FHIT: variants seen among roughly 807,000 people sequenced by gnomAD.
The protein encoded by FHIT is bis(5'-adenosyl)-triphosphatase.
FHIT carries 19 observed loss-of-function variants against 17.9 expected under a neutral mutation model. That is an observed-to-expected ratio of 1.06 (90% CI 0.74 to 1.56). FHIT has a LOEUF of 1.56. Among genes scored for constraint, FHIT ranks in the 40% most tolerant of loss-of-function variants. The probability of loss-of-function intolerance (pLI) is 0.00; values close to 1 mark genes in which losing one functional copy is unlikely to be tolerated. For missense variants in FHIT, 248 were observed against 189.2 expected, an observed-to-expected ratio of 1.31 and a Z score of -1.82; for synonymous variants, 81 against 69.7, an observed-to-expected ratio of 1.16 and a Z score of -0.81.
At chr3:60,034,190 G>A (rs1284734885) in intron 5 of FHIT, among the ~76,000 whole-genome samples, 6 of 152,310 alleles carry the variant, frequency 3.9e-5, no homozygotes, top group South Asian at 2.1e-4. Context: ...CTGCAGAAGA[G>A]GGTCAAGGTG....
chr3:60,267,444 CAAT>C (rs1706639689), intron 5 of FHIT, among the ~76,000 whole-genome samples: 1 of 151,970 alleles, frequency 6.6e-6, no homozygotes, highest in African/African-American at 2.4e-5. Flanking sequence ...ATTGTGTTCT[CAAT>C]AATATGATTT....
chr3:60,780,189 G>A (rs1700337371), intron 4 of FHIT, among the ~76,000 whole-genome samples: 1 of 152,090 alleles, frequency 6.6e-6, no homozygotes, highest in Non-Finnish European at 1.5e-5. Context: ...CCTTTCAAAT[G>A]CATCCTGAAC....
intron 3 of FHIT, among the ~76,000 whole-genome samples, chr3:60,930,659 A>T (rs1553771473): frequency 6.6e-6 from 1 of 152,212 alleles, no homozygotes; most frequent in African/African-American, 2.4e-5. Context: ...TCAAAACCAC[A>T]ATGAGATACC....
intron 7 of FHIT, among the ~76,000 whole-genome samples, chr3:59,972,925 G>A (rs566633934): frequency 2.8e-4 from 42 of 152,084 alleles, no homozygotes; most frequent in Admixed American, 2.0e-3. Flanking sequence ...CCTCACTTCC[G>A]TATTTTTGCT....
intron 5 of FHIT, among the ~76,000 whole-genome samples, chr3:60,417,801 C>T (rs1702306893): frequency 6.6e-6 from 1 of 152,106 alleles, no homozygotes; most frequent in African/African-American, 2.4e-5. Context: ...GATTAACGGC[C>T]CTGGCTAATT....
At chr3:59,909,384 C>A (rs1704754882) in intron 8 of FHIT, among the ~76,000 whole-genome samples, 1 of 151,982 alleles carries the variant, frequency 6.6e-6, no homozygotes, top group South Asian at 2.1e-4. Context: ...GGCTAGAATG[C>A]AGTGGCATGA....
intron 7 of FHIT, among the ~76,000 whole-genome samples, chr3:59,948,366 A>G (rs999396226): frequency 7.5e-6 from 1 of 133,460 alleles, no homozygotes; most frequent in Non-Finnish European, 1.6e-5. Flanking sequence ...AAAAAAAAAA[A>G]ATTAGCCGGG....
At chr3:60,193,010 C>T (rs1169942519) in intron 5 of FHIT, among the ~76,000 whole-genome samples, 2 of 151,950 alleles carry the variant, frequency 1.3e-5, no homozygotes, top group African/African-American at 2.4e-5. Context: ...GTAAGATGAC[C>T]GAAAACTAAA....
intron 5 of FHIT, among the ~76,000 whole-genome samples, chr3:60,275,230 G>GAAA (rs67928408): frequency 7.6e-6 from 1 of 131,064 alleles, no homozygotes; most frequent in Non-Finnish European, 1.7e-5. Context: ...TGGAAGAAAA[G>GAAA]AAAAAAAAAA....
chr3:60,130,209 C>A (rs1699478265), intron 5 of FHIT, among the ~76,000 whole-genome samples: 1 of 152,176 alleles, frequency 6.6e-6, no homozygotes, highest in South Asian at 2.1e-4. Context: ...CTGTGTGATA[C>A]GTGCCATGTA....
chr3:60,502,221 T>C (rs1203446780), intron 5 of FHIT, among the ~76,000 whole-genome samples: 1 of 152,164 alleles, frequency 6.6e-6, no homozygotes, highest in Non-Finnish European at 1.5e-5. Flanking sequence ...GCAAGAACTA[T>C]GGCCTTCTAA....
rs993129311 is a variant in FHIT at position 60,053,471 on chromosome 3, G to A, written c.104-39319C>T. 4.0e-5 allele frequency among the ~76,000 whole-genome samples: 6 copies of A among 150,844 alleles called. No individual in the cohort carries two copies. The South Asian group carries it at 1.3e-3, about 32-fold the overall frequency. ...ATTTTCTCTGGTGCTTCCAAGACAT[G>A]CATTTTGCCTAGACATGTTATTGTT... On this transcript the variant is annotated intron_variant, in intron 5 of 9. Transcript: ENST00000492590.
intron 5 of FHIT, among the ~76,000 whole-genome samples, chr3:60,173,795 G>A (rs993369978): frequency 6.7e-6 from 1 of 148,174 alleles, no homozygotes; most frequent in Non-Finnish European, 1.5e-5. Flanking sequence ...AGAGAAAATC[G>A]AGAAAAGGAC....
chr3:60,042,507 C>T (rs766002169), intron 5 of FHIT, among the ~76,000 whole-genome samples: 5 of 152,168 alleles, frequency 3.3e-5, no homozygotes, highest in African/African-American at 1.2e-4. Context: ...CCAGGACTCT[C>T]TCCTTGGCTT....
chr3:61,074,086 T>C (rs1407677448), intron 2 of FHIT, among the ~76,000 whole-genome samples: 1 of 152,134 alleles, frequency 6.6e-6, no homozygotes, highest in Admixed American at 6.5e-5. Flanking sequence ...CCACTGCATG[T>C]CAGTTTAATT....
chr3:60,054,354 A>C (rs577371743), intron 5 of FHIT, among the ~76,000 whole-genome samples: 4 of 152,350 alleles, frequency 2.6e-5, no homozygotes, highest in Admixed American at 2.6e-4. Context: ...GTGTGAGATA[A>C]ATGAAAGCGT....
At chr3:60,114,001 CCAAAAAAAAAAAAAAAAAAAAA>C (rs1704811539) in intron 5 of FHIT, among the ~76,000 whole-genome samples, 1 of 17,932 alleles carries the variant, frequency 5.6e-5, no homozygotes, top group Non-Finnish European at 7.3e-5. Context: ...GACCCCGTCT[CCAAAAAAAAAAAAAAAAAAAAA>C]AAAAAAAAAA....
At chr3:60,796,942 C>T (rs1439778663) in intron 4 of FHIT, among the ~76,000 whole-genome samples, 1 of 152,142 alleles carries the variant, frequency 6.6e-6, no homozygotes, top group African/African-American at 2.4e-5. Context: ...TTTATTTGTA[C>T]TTCAGCTTCT....
chr3:60,489,750 A>G (rs1211753755), intron 5 of FHIT, among the ~76,000 whole-genome samples: 1 of 152,196 alleles, frequency 6.6e-6, no homozygotes, highest in Non-Finnish European at 1.5e-5. Flanking sequence ...AGGTTTCATT[A>G]GGCTCACCCT....
Sources: gnomAD v4.1 joint callset for allele counts (sites outside exome capture counted in the v4.1 genomes callset) on GRCh38, gnomAD v4.1.1 for gene constraint, MANE v1.5 for transcripts, NCBI Gene and HGNC (gene_info 2026-07-23, HGNC 2026-07-21) for gene names.